EIF4E3: variants seen among roughly 807,000 people sequenced by gnomAD.
The protein encoded by EIF4E3 is eukaryotic translation initiation factor 4E type 3.
A neutral mutation model predicts 31.7 loss-of-function variants in EIF4E3; 26 were observed. That is an observed-to-expected ratio of 0.82 (90% CI 0.60 to 1.14). The LOEUF is 1.14. Among genes scored for constraint, EIF4E3 ranks in the 50% most tolerant of loss-of-function variants. The pLI is 0.00. For missense variants in EIF4E3, 304 were observed against 270.9 expected, an observed-to-expected ratio of 1.12 and a Z score of -0.86; for synonymous variants, 128 against 107.7, an observed-to-expected ratio of 1.19 and a Z score of -1.17.
chr3:71,687,547 A>G (rs1288171034), intron 6 of EIF4E3, among the ~76,000 whole-genome samples: 1 of 152,356 alleles, frequency 6.6e-6, no homozygotes, highest in South Asian at 2.1e-4. Context: ...CAGAGGGCAG[A>G]TTTGGGCTCC....
At chr3:71,662,825 C>T in the EIF4E3 span, among the ~76,000 whole-genome samples, 11 of 152,008 alleles carry the variant, frequency 7.2e-5, no homozygotes. Flanking sequence ...CTTTAGCAAA[C>T]ACATGGGAAA....
At chr3:71,735,032 T>C (rs1305256998) in intron 1 of EIF4E3, among the ~76,000 whole-genome samples, 2 of 152,128 alleles carry the variant, frequency 1.3e-5, no homozygotes, top group Non-Finnish European at 2.9e-5. Context: ...GTCAAATCTT[T>C]TATCAGAGGA....
At chr3:71,690,939 T>G (rs767965774) in intron 5 of EIF4E3, among the ~76,000 whole-genome samples, 1 of 152,246 alleles carries the variant, frequency 6.6e-6, no homozygotes. Flanking sequence ...AGGTGGACTT[T>G]TTTTAAAAAA....
chr3:71,685,363 T>A (rs1578330697), intron 6 of EIF4E3, among the ~76,000 whole-genome samples: 1 of 152,150 alleles, frequency 6.6e-6, no homozygotes, highest in Admixed American at 6.5e-5. Flanking sequence ...CTCTAGAATA[T>A]ATATATATTT....
upstream of EIF4E3, among the ~76,000 whole-genome samples, chr3:71,753,885 C>G (rs930956113): frequency 6.7e-6 from 1 of 148,638 alleles, no homozygotes; most frequent in Non-Finnish European, 1.5e-5. Context: ...GGCACAGCGG[C>G]GGCTCGGGGA....
At chr3:71,699,478 A>C (rs1440804690) in intron 3 of EIF4E3, 136 bp downstream of exon 3, 1 of 775,090 alleles carries the variant, frequency 1.3e-6, no homozygotes, top group African/African-American at 1.7e-5. Flanking sequence ...TTACCCCCAG[A>C]CCCTGGGCCA....
intron 1 of EIF4E3, among the ~76,000 whole-genome samples, chr3:71,752,076 T>TA (rs1288742325): frequency 1.3e-5 from 2 of 152,320 alleles, no homozygotes; most frequent in African/African-American, 4.8e-5. Flanking sequence ...AGGTGCTCAA[T>TA]AGTTGATTTT....
the EIF4E3 span, among the ~76,000 whole-genome samples, chr3:71,668,324 C>T: frequency 6.6e-6 from 1 of 152,056 alleles, no homozygotes; most frequent in Non-Finnish European, 1.5e-5. Flanking sequence ...GAGGCAATAC[C>T]ATTAAGGACA....
Position 71,710,433 on chromosome 3 carries a change from G to C in EIF4E3, c.228C>G (p.Ile76Met), listed in dbSNP as rs1194174480. Reference sequence around the variant, plus strand: ...TTACCTGTACTGTCTGTACTGTGTAGATTTTCTTCAGATTTGATGCGCACT... The same window carrying C: ...TTACCTGTACTGTCTGTACTGTGTACATTTTCTTCAGATTTGATGCGCACT... ...AAECASNLKKIYTVQTVQIFW... is the reference protein window; with the variant it reads ...AAECASNLKKMYTVQTVQIFW... The change falls in exon 2 of 7, where the codon ATC becomes ATG. Residue 76 changes from isoleucine (I) to methionine (M), a missense_variant. Physicochemically the swap from Ile to Met is conservative, Grantham distance 10. Coordinates refer to ENST00000425534, the MANE Select transcript of EIF4E3 (RefSeq NM_001134651.2). 7.1e-6 allele frequency: 11 copies of C among 1,552,050 alleles called. No homozygotes were observed. The highest frequency in any genetic ancestry group is 8.7e-6 in the Non-Finnish European group (10 of 1,147,120).
chr3:71,678,119 A>T lies in EIF4E3; in HGVS notation c.*6563T>A, dbSNP rs538381244. On this transcript the variant is annotated 3_prime_UTR_variant, in exon 7 of 7. Transcript: ENST00000425534. Reference sequence around the variant, plus strand: ...GAGGTGTTGGACAGAAACTTTTAATATGTGTTGTAATAAACAAGGTTATTC... The same window carrying T: ...GAGGTGTTGGACAGAAACTTTTAATTTGTGTTGTAATAAACAAGGTTATTC... 6.6e-6 allele frequency: 1 copy of T among 152,310 alleles called. No individual in the cohort carries two copies. The highest frequency in any genetic ancestry group is 1.9e-4 in the East Asian group (1 of 5,186). The allele number at this position is 152,310 out of a possible 1,614,324, so 9.4% of individuals were successfully genotyped here.
chr3:71,735,052 G>A (rs2049747342), intron 1 of EIF4E3, among the ~76,000 whole-genome samples: 1 of 152,152 alleles, frequency 6.6e-6, no homozygotes, highest in African/African-American at 2.4e-5. Flanking sequence ...AAGAATTCAA[G>A]CACTTCTTTT....
In EIF4E3 at chr3:71,725,169, C is replaced by T. The variant is rs1337130150; in HGVS notation, c.176+23G>A. On this transcript the variant is annotated intron_variant, in intron 1 of 6. Coordinates refer to ENST00000425534, the MANE Select transcript of EIF4E3 (RefSeq NM_001134651.2). This position sits in a 1 kb window ranked among gnomAD's most constrained non-coding sequence, Gnocchi z 6.1. ...GCAGGACCCGGGTCGGGGCCGTGCG[C>T]GGCGGGCCCCGCGCCCCCTCACCTG... The T allele has an allele frequency of 2.8e-6, 3 of 1,075,124 alleles. No homozygotes were observed. Among genetic ancestry groups the T allele is most frequent in the Non-Finnish European group, 2.2e-6 (2 of 890,622 alleles). The allele number at this position is 1,075,124 out of a possible 1,614,324, so 66.6% of individuals were successfully genotyped here. A position where few individuals can be genotyped will look rare whatever the true frequency, so the allele number is the denominator to read the frequency against.
intron 1 of EIF4E3, among the ~76,000 whole-genome samples, chr3:71,721,305 C>T (rs760888746): frequency 1.1e-4 from 17 of 152,148 alleles, no homozygotes; most frequent in Admixed American, 2.6e-4. Flanking sequence ...GCATCCGGGA[C>T]GAGAACTCTG....
intron 2 of EIF4E3, among the ~76,000 whole-genome samples, chr3:71,705,330 A>G (rs2049276855): frequency 6.6e-6 from 1 of 152,182 alleles, no homozygotes; most frequent in Admixed American, 6.5e-5. Context: ...GCACAACTCC[A>G]GTCAGGCGGC....
rs547242654 is a variant in EIF4E3 at position 71,681,131 on chromosome 3, G to C, written c.*3551C>G. 1 of 152,302 alleles carries C rather than the reference G, an allele frequency of 6.6e-6. No individual in the cohort carries two copies. Among genetic ancestry groups the C allele is most frequent in the South Asian group, 2.1e-4 (1 of 4,830 alleles). 9.4% of individuals were successfully genotyped at this position (152,302 alleles called of 1,614,324 possible). On this transcript the variant is annotated 3_prime_UTR_variant, in exon 7 of 7. Transcript: ENST00000425534. Reference sequence around the variant, plus strand: ...TTGAGATATTTTAAGCACATCTGGAGCGATCTAGCTTTGACACATTTTTAT... The same window carrying C: ...TTGAGATATTTTAAGCACATCTGGACCGATCTAGCTTTGACACATTTTTAT...
At chr3:71,672,495 G>C (rs2048851788), downstream of EIF4E3, among the ~76,000 whole-genome samples, 1 of 152,276 alleles carries the variant, frequency 6.6e-6, no homozygotes, top group East Asian at 1.9e-4. Context: ...TGAGCAGGGA[G>C]GAAGATGGCT....
At chr3:71,719,120 G>A (rs1183201645) in intron 1 of EIF4E3, among the ~76,000 whole-genome samples, 1 of 152,050 alleles carries the variant, frequency 6.6e-6, no homozygotes, top group African/African-American at 2.4e-5. Context: ...CACCCTTTAG[G>A]GTGGGTCCCT....
chr3:71,670,404 T>C, the EIF4E3 span, among the ~76,000 whole-genome samples: 6 of 152,180 alleles, frequency 3.9e-5, no homozygotes, highest in East Asian at 1.2e-3. Flanking sequence ...CTAAATCTCC[T>C]CCATTGCACC....
chr3:71,754,416 G>A, upstream of EIF4E3: 4 of 1,351,252 alleles, frequency 3.0e-6, no homozygotes, highest in Non-Finnish European at 2.9e-6. The surrounding 1 kb of genome is among the most constrained non-coding windows in gnomAD (Gnocchi z 5.8). Flanking sequence ...CCGCTACCTG[G>A]CCATCGCGCA....
Sources: allele counts gnomAD v4.1 joint callset (sites outside exome capture counted in the v4.1 genomes callset), GRCh38; gene constraint gnomAD v4.1.1; non-coding constraint Gnocchi (gnomAD v3.1); transcripts MANE v1.5; gene names NCBI Gene and HGNC (gene_info 2026-07-23, HGNC 2026-07-21).